CAPZB: variants seen among roughly 807,000 people sequenced by gnomAD.
The protein encoded by CAPZB is capping actin protein of muscle Z-line subunit beta, also known as F-actin-capping protein subunit beta.
A neutral mutation model predicts 38.1 loss-of-function variants in CAPZB; 2 were observed. The observed-to-expected ratio is 0.05, with a 90% CI of 0.02 to 0.17. The LOEUF is 0.17. Ranked by LOEUF, CAPZB falls within the 10% of genes least tolerant of loss-of-function variation. The pLI is 1.00. For synonymous variants in CAPZB, 107 were observed against 127.4 expected, an observed-to-expected ratio of 0.84 and a Z score of 1.08; for missense variants, 161 against 334.2, an observed-to-expected ratio of 0.48 and a Z score of 4.04.
chr1:19,437,878 G>A (rs752619366), intron 1 of CAPZB, among the ~76,000 whole-genome samples: 1 of 152,212 alleles, frequency 6.6e-6, no homozygotes, highest in Non-Finnish European at 1.5e-5. Context: ...GAAGGCTCGG[G>A]AGGAGAGCTC....
chr1:19,473,488 C>G (rs1368275830), intron 1 of CAPZB, among the ~76,000 whole-genome samples: 1 of 152,182 alleles, frequency 6.6e-6, no homozygotes, highest in Non-Finnish European at 1.5e-5. Flanking sequence ...AGCAAGCACC[C>G]TAGAGCCTGA....
chr1:19,423,107 T>C (rs1441057127), intron 1 of CAPZB, among the ~76,000 whole-genome samples: 16 of 152,212 alleles, frequency 1.1e-4, no homozygotes, highest in Admixed American at 9.8e-4. Flanking sequence ...AGAATACTAC[T>C]ACAAAAGGAT....
chr1:19,447,857 G>A (rs900433524), intron 1 of CAPZB, among the ~76,000 whole-genome samples: 2 of 152,182 alleles, frequency 1.3e-5, no homozygotes, highest in African/African-American at 2.4e-5. Flanking sequence ...CTAAGCAATC[G>A]GCAACTAACA....
chr1:19,478,290 C>T (rs2094614079), intron 1 of CAPZB, among the ~76,000 whole-genome samples: 1 of 152,168 alleles, frequency 6.6e-6, no homozygotes, highest in Non-Finnish European at 1.5e-5. Flanking sequence ...TTAAATGAAA[C>T]ACCACCTATC....
intron 2 of CAPZB, among the ~76,000 whole-genome samples, chr1:19,405,412 G>A (rs1417222639): frequency 3.3e-5 from 5 of 152,034 alleles, no homozygotes; most frequent in African/African-American, 9.7e-5. Flanking sequence ...TACAGGCAGC[G>A]TTTGGGACTA....
chr1:19,378,126 T>C (rs1383538191), intron 4 of CAPZB, among the ~76,000 whole-genome samples: 3 of 152,242 alleles, frequency 2.0e-5, no homozygotes, highest in Non-Finnish European at 2.9e-5. Flanking sequence ...TGTCTTAATT[T>C]CTTAATCTGA....
intron 4 of CAPZB, among the ~76,000 whole-genome samples, chr1:19,359,036 C>T (rs1033605055): frequency 6.6e-6 from 1 of 152,174 alleles, no homozygotes; most frequent in Non-Finnish European, 1.5e-5. Flanking sequence ...CTTTCTACGG[C>T]TGTTGAGAGA....
Position 19,485,523 on chromosome 1 carries a change from T to A in CAPZB, c.-85A>T. On this transcript the variant is annotated 5_prime_UTR_variant, in exon 1 of 9. Coordinates refer to ENST00000264202, the MANE Select transcript of CAPZB (RefSeq NM_004930.5). ...GGCCCGGCGCTTCCACTTCCCCGGG[T>A]GCCCAGGAGTGAACATCCGGGTCAG... The A allele has an allele frequency of 9.8e-7, 1 of 1,019,572 alleles. No individual in the cohort carries two copies. Among genetic ancestry groups the A allele is most frequent in the Non-Finnish European group, 1.2e-6 (1 of 811,236 alleles). The allele number at this position is 1,019,572 out of a possible 1,614,324, so 63.2% of individuals were successfully genotyped here.
chr1:19,387,768 G>C (rs2094211707), intron 2 of CAPZB, among the ~76,000 whole-genome samples: 1 of 152,180 alleles, frequency 6.6e-6, no homozygotes, highest in Non-Finnish European at 1.5e-5. Context: ...CTGTAAAATG[G>C]GGATAATAAA....
At chr1:19,460,431 C>A (rs186952871) in intron 1 of CAPZB, among the ~76,000 whole-genome samples, 3 of 152,144 alleles carry the variant, frequency 2.0e-5, no homozygotes, top group Non-Finnish European at 4.4e-5. Flanking sequence ...TGCCCGCCAC[C>A]GCGCCCGGCT....
intron 8 of CAPZB, among the ~76,000 whole-genome samples, chr1:19,344,002 G>C (rs563762858): frequency 1.4e-4 from 21 of 152,332 alleles, no homozygotes; most frequent in African/African-American, 4.8e-4. Flanking sequence ...GGGCTGCCCG[G>C]AATGTGGTGT....
intron 1 of CAPZB, among the ~76,000 whole-genome samples, chr1:19,438,639 C>T (rs1000305074): frequency 7.9e-5 from 12 of 152,196 alleles, no homozygotes; most frequent in African/African-American, 2.4e-4. Flanking sequence ...CTCGCTTAAG[C>T]GCGGGGCCAG....
At chr1:19,391,483 G>A (rs908672022) in intron 2 of CAPZB, among the ~76,000 whole-genome samples, 1 of 152,190 alleles carries the variant, frequency 6.6e-6, no homozygotes, top group Non-Finnish European at 1.5e-5. Context: ...AAACTGCCAC[G>A]CCAGAATGCT....
At chr1:19,446,585 A>C (rs1376855834) in intron 1 of CAPZB, among the ~76,000 whole-genome samples, 1 of 151,752 alleles carries the variant, frequency 6.6e-6, no homozygotes, top group Non-Finnish European at 1.5e-5. Flanking sequence ...ACTCAAGCTG[A>C]TGAACAAAGA....
At chr1:19,408,518 G>A (rs1166933177) in intron 2 of CAPZB, among the ~76,000 whole-genome samples, 1 of 152,208 alleles carries the variant, frequency 6.6e-6, no homozygotes, top group African/African-American at 2.4e-5. Flanking sequence ...ATCTGCTGGA[G>A]GCCCCTGCCG....
At chr1:19,484,147 C>T in intron 1 of CAPZB, 1 of 1,587,738 alleles carries the variant, frequency 6.3e-7, no homozygotes, top group Non-Finnish European at 8.6e-7. Context: ...CCAAAACAAA[C>T]ACCACGAGCG....
At chr1:19,379,096 C>CTTTCTTTTTTTT (rs1300668182) in intron 3 of CAPZB, among the ~76,000 whole-genome samples, 1,705 of 120,710 alleles carry the variant, frequency 0.014, 21 homozygotes, top group Admixed American at 0.036. Context: ...ATTTTTTTTT[C>CTTTCTTTTTTTT]TTTCTTTTTT....
chr1:19,392,084 G>A (rs12088531), intron 2 of CAPZB, among the ~76,000 whole-genome samples: 2,677 of 151,968 alleles, frequency 0.018, 78 homozygotes, highest in African/African-American at 0.061. Context: ...TCAGGAGGCC[G>A]AAGCAGGAGA....
intron 1 of CAPZB, among the ~76,000 whole-genome samples, chr1:19,432,319 G>A (rs1387313013): frequency 6.6e-6 from 1 of 152,014 alleles, no homozygotes; most frequent in Non-Finnish European, 1.5e-5. Flanking sequence ...GTGTATGCCT[G>A]TAGTCCTAGC....
Sources: gnomAD v4.1 joint callset for allele counts (sites outside exome capture counted in the v4.1 genomes callset) on GRCh38, gnomAD v4.1.1 for gene constraint, MANE v1.5 for transcripts, NCBI Gene and HGNC (gene_info 2026-07-23, HGNC 2026-07-21) for gene names.